OTUD7A: variants seen among roughly 807,000 people sequenced by gnomAD.
OTUD7A encodes the protein OTU domain-containing protein 7A.
A neutral mutation model predicts 65.7 loss-of-function variants in OTUD7A; 12 were observed. The ratio of observed to expected loss-of-function variants is 0.18; its 90% CI spans 0.12 to 0.30. OTUD7A has a LOEUF of 0.30. OTUD7A is among the 10% of genes least tolerant of loss of function. The pLI is 1.00. For missense variants in OTUD7A, 1,148 were observed against 1,304.8 expected (o/e 0.88, Z 1.85); for synonymous variants, 641 against 586.3 (o/e 1.09, Z -1.35).
intron 1 of OTUD7A, among the ~76,000 whole-genome samples, chr15:31,776,496 T>G (rs866609454): frequency 5.7e-4 from 87 of 152,278 alleles, no homozygotes; most frequent in African/African-American, 2.0e-3. Context: ...CTCTCCTTCC[T>G]TGGTAAGAAG....
chr15:31,784,224 C>G (rs916829485), intron 1 of OTUD7A, among the ~76,000 whole-genome samples: 1 of 152,188 alleles, frequency 6.6e-6, no homozygotes, highest in Non-Finnish European at 1.5e-5. Context: ...TTTTAAGAAA[C>G]TACTTGTTGT....
chr15:31,762,663 G>A lies in OTUD7A; in HGVS notation c.-99-105586C>T, dbSNP rs1486158944. 5.3e-5 allele frequency among the ~76,000 whole-genome samples: 8 copies of A among 152,222 alleles called. No homozygotes were observed. In the East Asian group the frequency reaches 1.3e-3, roughly 26 times the overall value. On this transcript the variant is annotated intron_variant, in intron 1 of 12. Coordinates refer to ENST00000307050, the MANE Select transcript of OTUD7A (RefSeq NM_001382637.1). ...GCTATAGAAGGATCCAAATAGCATA[G>A]CGAAAGCTCTGAAAACAGACTCAAC...
chr15:31,827,154 G>A (rs370861883), intron 1 of OTUD7A, among the ~76,000 whole-genome samples: 3 of 152,130 alleles, frequency 2.0e-5, no homozygotes, highest in East Asian at 1.9e-4. Flanking sequence ...GTATTAGTCC[G>A]TTTTCACACT....
chr15:31,847,734 C>T (rs1445005280), intron 1 of OTUD7A, among the ~76,000 whole-genome samples: 1 of 152,182 alleles, frequency 6.6e-6, no homozygotes, highest in Non-Finnish European at 1.5e-5. Flanking sequence ...GACTGGGTAA[C>T]TTATGAAGAA....
chr15:31,541,736 T>C (rs1325001162), intron 5 of OTUD7A, among the ~76,000 whole-genome samples: 1 of 152,130 alleles, frequency 6.6e-6, no homozygotes, highest in African/African-American at 2.4e-5. Context: ...GTTTAATCAC[T>C]TCATAAGAAC....
intron 10 of OTUD7A, among the ~76,000 whole-genome samples, chr15:31,497,137 C>T (rs2041398044): frequency 6.6e-6 from 1 of 152,174 alleles, no homozygotes; most frequent in South Asian, 2.1e-4. Flanking sequence ...GGGGAAGGCA[C>T]TGAGGACACA....
At chr15:31,653,236 G>C (rs1477199082) in intron 3 of OTUD7A, among the ~76,000 whole-genome samples, 1 of 149,912 alleles carries the variant, frequency 6.7e-6, no homozygotes, top group Non-Finnish European at 1.5e-5. Context: ...GCCTGGGCTA[G>C]AGTGAGACTC....
chr15:31,716,982 T>C (rs1893605229), intron 1 of OTUD7A, among the ~76,000 whole-genome samples: 1 of 152,218 alleles, frequency 6.6e-6, no homozygotes, highest in South Asian at 2.1e-4. Flanking sequence ...TATAGAAAAC[T>C]TGCAAAAATA....
intron 1 of OTUD7A, among the ~76,000 whole-genome samples, chr15:31,734,415 A>G (rs1175258710): frequency 6.6e-6 from 1 of 152,238 alleles, no homozygotes; most frequent in Non-Finnish European, 1.5e-5. Flanking sequence ...CTTAAATTTC[A>G]TATGGAACCA....
intron 1 of OTUD7A, among the ~76,000 whole-genome samples, chr15:31,856,256 T>G (rs1451812127): frequency 6.6e-6 from 1 of 152,222 alleles, no homozygotes; most frequent in Non-Finnish European, 1.5e-5. Context: ...GTCTTGGATA[T>G]CCACAGACCA....
At chr15:31,777,087 A>C (rs1273787018) in intron 1 of OTUD7A, among the ~76,000 whole-genome samples, 2 of 152,128 alleles carry the variant, frequency 1.3e-5, no homozygotes, top group East Asian at 3.9e-4. Flanking sequence ...ATAAACAGGC[A>C]TTCATTTCTC....
chr15:31,860,627 AT>A lies in OTUD7A; in HGVS notation c.-100+9879del, dbSNP rs1567059733. Among the ~76,000 whole-genome samples, 28 of 107,008 alleles carry A rather than the reference AT, an allele frequency of 2.6e-4. 2 individuals carry two copies. Among genetic ancestry groups the A allele is most frequent in the East Asian group, 1.9e-3 (7 of 3,660 alleles). The allele number at this position is 107,008 out of a possible 152,430, so 70.2% of individuals were successfully genotyped here. A position where few individuals can be genotyped will look rare whatever the true frequency, so the allele number is the denominator to read the frequency against. ...TCCTCGACCCCAGAAGTGGAGATAT[AT>A]ATATATATATATATATGTATGTATG... On this transcript the variant is annotated intron_variant, in intron 1 of 12. Coordinates refer to ENST00000307050, the MANE Select transcript of OTUD7A (RefSeq NM_001382637.1).
chr15:31,487,412 C>T lies in OTUD7A; in HGVS notation c.1286+40G>A. 6.2e-7 allele frequency: 1 copy of T among 1,602,278 alleles called. No individual in the cohort carries two copies. The highest frequency in any genetic ancestry group is 8.5e-7 in the Non-Finnish European group (1 of 1,171,440). ...CCCAGGATGCCCCAGCCATAGCCCT[C>T]CCTGTGGGCGCTGGGGAAAGGGACA... On this transcript the variant is annotated intron_variant, in intron 11 of 12. Coordinates refer to ENST00000307050, the MANE Select transcript of OTUD7A (RefSeq NM_001382637.1). The surrounding 1 kb of genome is among the most constrained non-coding windows in gnomAD (Gnocchi z 6.0).
intron 1 of OTUD7A, among the ~76,000 whole-genome samples, chr15:31,759,330 G>C (rs973950273): frequency 2.6e-5 from 4 of 152,216 alleles, no homozygotes; most frequent in African/African-American, 9.6e-5. Flanking sequence ...TATGTGGCCA[G>C]AGTCAATTAC....
intron 1 of OTUD7A, among the ~76,000 whole-genome samples, chr15:31,781,637 C>T (rs148371333): frequency 3.9e-4 from 59 of 152,336 alleles, no homozygotes; most frequent in Admixed American, 1.4e-3. Flanking sequence ...TCTGACTGTT[C>T]ACCTGGCATC....
chr15:31,631,031 C>T (rs1891132263), intron 3 of OTUD7A, among the ~76,000 whole-genome samples: 1 of 152,286 alleles, frequency 6.6e-6, no homozygotes, highest in Non-Finnish European at 1.5e-5. Context: ...TGGGTCTTGA[C>T]TCTTTATCCA....
intron 6 of OTUD7A, 99 bp downstream of exon 6, chr15:31,530,608 T>C (rs1376696260): frequency 1.4e-5 from 15 of 1,088,876 alleles, no homozygotes; most frequent in Middle Eastern, 2.2e-4. Context: ...CTCTATTTAG[T>C]GTATGCTTTT....
intron 4 of OTUD7A, among the ~76,000 whole-genome samples, chr15:31,562,463 C>T (rs1029539375): frequency 5.3e-5 from 8 of 152,184 alleles, no homozygotes; most frequent in African/African-American, 1.7e-4. Context: ...TCCCCCTGCC[C>T]TGCCTTCCCA....
intron 1 of OTUD7A, among the ~76,000 whole-genome samples, chr15:31,828,869 CAG>C (rs1896862159): frequency 6.6e-6 from 1 of 152,134 alleles, no homozygotes; most frequent in African/African-American, 2.4e-5. Context: ...GTCCCTAAGC[CAG>C]GGGCCAGAAG....
Sources: allele counts gnomAD v4.1 joint callset (sites outside exome capture counted in the v4.1 genomes callset), GRCh38; gene constraint gnomAD v4.1.1; non-coding constraint Gnocchi (gnomAD v3.1); transcripts MANE v1.5; gene names NCBI Gene and HGNC (gene_info 2026-07-23, HGNC 2026-07-21).